ZNF326: variants seen among roughly 807,000 people sequenced by gnomAD.
The protein encoded by ZNF326 is DBIRD complex subunit ZNF326.
ZNF326 carries 30 observed loss-of-function variants against 63.1 expected under a neutral mutation model. That is an observed-to-expected ratio of 0.48 (90% confidence interval 0.36 to 0.64). The LOEUF is 0.64. Ranked by LOEUF, ZNF326 falls within the 30% of genes least tolerant of loss-of-function variation. The pLI is 0.00. For synonymous variants in ZNF326, 194 were observed against 228.2 expected (o/e 0.85, Z 1.35); for missense variants, 609 against 720.3 (o/e 0.85, Z 1.77).
At chr1:90,006,112 A>C in intron 4 of ZNF326, 1 of 985,444 alleles carries the variant, frequency 1.0e-6, no homozygotes, top group South Asian at 4.7e-5. Flanking sequence ...AATGATGCTT[A>C]CTTTCCTTCT....
At chr1:89,998,219 A>G in intron 2 of ZNF326, 65 bp downstream of exon 2, 12 of 1,494,420 alleles carry the variant, frequency 8.0e-6, no homozygotes, top group Non-Finnish European at 1.1e-5. Flanking sequence ...GTAAAAGGCC[A>G]GTTCTACCTA....
At position 90,011,946 on chromosome 1, in the gene ZNF326, C is replaced by T. The variant is rs184653236; in HGVS notation, c.815-1180C>T. 3.8e-3 allele frequency among the ~76,000 whole-genome samples: 582 copies of T among 152,272 alleles called. 6 individuals carry two copies. The highest frequency in any genetic ancestry group is 0.013 in the African/African-American group (541 of 41,556). On this transcript the variant is annotated intron_variant, in intron 6 of 11. Coordinates refer to ENST00000340281, the MANE Select transcript of ZNF326 (RefSeq NM_182976.4). Reference sequence around the variant, plus strand: ...TCTGCCCCTGGGTTCAAGCGATTCTCGTTCCTCAGCCTCCTGAGTAGCTGG... The same window carrying T: ...TCTGCCCCTGGGTTCAAGCGATTCTTGTTCCTCAGCCTCCTGAGTAGCTGG...
intron 6 of ZNF326, 90 bp from the exon 7 acceptor site, chr1:90,013,036 C>A: frequency 1.9e-6 from 2 of 1,066,510 alleles, no homozygotes; most frequent in Non-Finnish European, 2.6e-6. Flanking sequence ...ACTAAGTATA[C>A]CTCATAAGTA....
At chr1:90,018,970 G>C (rs1001316847) in intron 9 of ZNF326, among the ~76,000 whole-genome samples, 186 bp downstream of exon 9, 1 of 151,936 alleles carries the variant, frequency 6.6e-6, no homozygotes, top group Middle Eastern at 3.2e-3. Flanking sequence ...ATCATTACCT[G>C]CCATTACTTT....
chr1:90,005,778 A>C (rs2101061012), intron 4 of ZNF326: 3 of 984,580 alleles, frequency 3.0e-6, no homozygotes, highest in South Asian at 9.4e-5. Flanking sequence ...AATATTTTTA[A>C]AATTATGTTC....
chr1:90,014,902 T>C (rs1649427511), intron 7 of ZNF326, among the ~76,000 whole-genome samples: 7 of 152,174 alleles, frequency 4.6e-5, no homozygotes. Context: ...GATGCAATTT[T>C]TTAAATTTAA....
intron 2 of ZNF326, among the ~76,000 whole-genome samples, chr1:90,003,904 TTA>T (rs1181750017): frequency 1.3e-5 from 2 of 152,154 alleles, no homozygotes; most frequent in African/African-American, 2.4e-5. Flanking sequence ...ACTAGAGATA[TTA>T]TATGATTATA....
intron 6 of ZNF326, among the ~76,000 whole-genome samples, chr1:90,011,924 G>GC (rs1179444337): frequency 6.6e-6 from 1 of 152,088 alleles, no homozygotes. Flanking sequence ...TGCAACCTCT[G>GC]CCCCTGGGTT....
intron 4 of ZNF326, chr1:90,006,157 A>C (rs1162808292): frequency 1.0e-6 from 1 of 985,336 alleles, no homozygotes; most frequent in Non-Finnish European, 1.2e-6. Flanking sequence ...GTTTATAGTA[A>C]AGAAAAATTA....
intron 2 of ZNF326, among the ~76,000 whole-genome samples, chr1:90,002,788 A>G (rs1648749795): frequency 6.6e-6 from 1 of 152,204 alleles, no homozygotes; most frequent in African/African-American, 2.4e-5. Flanking sequence ...AACTTTTTGT[A>G]CTGTTATATT....
chr1:90,007,429 C>G lies in ZNF326; in HGVS notation c.294C>G (p.Pro98=). ...LYRSGYGFNE[P]EQSRFGGSYG... ...GATCTGGCTATGGTTTTAATGAACCCGAACAAAGCCGCTTCGGAGGTAGTT... is the reference window on the plus strand; with the variant it reads ...GATCTGGCTATGGTTTTAATGAACCGGAACAAAGCCGCTTCGGAGGTAGTT... The change falls in exon 5 of 12, where the codon CCC becomes CCG. Residue 98 remains proline, a synonymous_variant. Transcript: ENST00000340281. This position sits in a 1 kb window ranked among gnomAD's most constrained non-coding sequence, Gnocchi z 4.9. 1 of 1,613,954 alleles carries G rather than the reference C, an allele frequency of 6.2e-7. No individual in the cohort carries two copies. The highest frequency in any genetic ancestry group is 8.5e-7 in the Non-Finnish European group (1 of 1,179,970).
At chr1:90,016,429 A>G (rs759269477) in intron 7 of ZNF326, among the ~76,000 whole-genome samples, 1 of 152,090 alleles carries the variant, frequency 6.6e-6, no homozygotes, top group Non-Finnish European at 1.5e-5. Flanking sequence ...AAATAGAAAC[A>G]GTTATTCTGG....
chr1:90,016,977 A>G (rs1649532107), intron 7 of ZNF326, among the ~76,000 whole-genome samples: 1 of 152,212 alleles, frequency 6.6e-6, no homozygotes, highest in Non-Finnish European at 1.5e-5. Context: ...AACAACATGT[A>G]AAATAAGTTG....
At position 89,998,092 on chromosome 1, in the gene ZNF326, T is replaced by G; in HGVS notation, c.17-18T>G. 3 of 1,609,284 alleles carry G rather than the reference T, an allele frequency of 1.9e-6. No individual in the cohort carries two copies. The highest frequency in any genetic ancestry group is 2.5e-6 in the Non-Finnish European group (3 of 1,178,182). On this transcript the variant is annotated intron_variant, in intron 1 of 11. Coordinates refer to ENST00000340281, the MANE Select transcript of ZNF326 (RefSeq NM_182976.4). ...CTAATATCACACTAATTCCTTTTTG[T>G]TAAATGTGTCTTCATAGATTACACA...
chr1:90,010,113 A>G lies in ZNF326; in HGVS notation c.641A>G (p.His214Arg), dbSNP rs2101067693. ...CATATGGGTGATTTTGGAAGCATTC[A>G]TAGACCCGGAATTGTTGTTGACTAT... ...RGHMGDFGSI[H>R]RPGIVVDYQN... The change falls in exon 6 of 12, where the codon CAT (histidine) becomes CGT (arginine). Residue 214 changes from histidine (H) to arginine (R), a missense_variant. Physicochemically the swap from His to Arg is conservative, Grantham distance 29 (BLOSUM62 0). Coordinates refer to ENST00000340281, the MANE Select transcript of ZNF326 (RefSeq NM_182976.4). 6.2e-7 allele frequency: 1 copy of G among 1,613,872 alleles called. No individual in the cohort carries two copies. Among genetic ancestry groups the G allele is most frequent in the Non-Finnish European group, 8.5e-7 (1 of 1,179,814 alleles).
At chr1:90,010,628 C>A (rs771464289) in intron 6 of ZNF326, among the ~76,000 whole-genome samples, 2 of 152,102 alleles carry the variant, frequency 1.3e-5, no homozygotes, top group African/African-American at 4.8e-5. Context: ...CAGAGCAAGT[C>A]ATGCTCTAGA....
At position 90,034,979 on chromosome 1, in the gene ZNF326, A is replaced by G. The variant is rs1445385471; in HGVS notation, c.*7278A>G. On this transcript the variant is annotated 3_prime_UTR_variant, in exon 12 of 12. Transcript: ENST00000340281. ...TGTAACTCAATCCTTTAGGAAATTT[A>G]TTACTTTAACTTAAAAAAAAATACC... 1 of 152,214 alleles carries G rather than the reference A, an allele frequency of 6.6e-6. No individual in the cohort carries two copies. Among genetic ancestry groups the G allele is most frequent in the Non-Finnish European group, 1.5e-5 (1 of 68,032 alleles). The allele number at this position is 152,214 out of a possible 1,614,324, so 9.4% of individuals were successfully genotyped here.
intron 4 of ZNF326, chr1:90,006,366 A>G: frequency 1.0e-6 from 1 of 982,554 alleles, no homozygotes; most frequent in Non-Finnish European, 1.2e-6. Context: ...TGTAATGTGC[A>G]TAAGCTATAT....
chr1:89,996,693 C>T (rs1336297324), intron 1 of ZNF326, among the ~76,000 whole-genome samples: 1 of 151,090 alleles, frequency 6.6e-6, no homozygotes, highest in East Asian at 1.9e-4. Flanking sequence ...GAGCCGAGAT[C>T]GTGCCATTGC....
Sources: gnomAD v4.1 joint callset for allele counts (sites outside exome capture counted in the v4.1 genomes callset) on GRCh38, gnomAD v4.1.1 for gene constraint, Gnocchi (gnomAD v3.1) non-coding constraint, MANE v1.5 for transcripts, NCBI Gene and HGNC (gene_info 2026-07-23, HGNC 2026-07-21) for gene names.